ANO2: variants seen among roughly 807,000 people sequenced by gnomAD.
ANO2 encodes anoctamin 2, also known as anoctamin-2.
Under a neutral mutation model 124.2 loss-of-function variants are expected in ANO2, and 101 were observed. The ratio of observed to expected loss-of-function variants is 0.81; its 90% CI spans 0.69 to 0.96. ANO2 has a LOEUF of 0.96. Ranked by LOEUF, ANO2 falls within the 40% of genes least tolerant of loss-of-function variation. The pLI is 0.00. For missense variants in ANO2, 1,293 were observed against 1,274.5 expected (o/e 1.01, Z -0.22); for synonymous variants, 486 against 482.5 (o/e 1.01, Z -0.09).
At chr12:5,716,178 T>C (rs916759581) in intron 14 of ANO2, among the ~76,000 whole-genome samples, 3 of 152,228 alleles carry the variant, frequency 2.0e-5, no homozygotes, top group Middle Eastern at 3.2e-3. Context: ...ATTATTTTTA[T>C]ACTCCAAAAA....
chr12:5,838,379 CACAA>C (rs1196168036), intron 4 of ANO2, among the ~76,000 whole-genome samples: 1 of 152,214 alleles, frequency 6.6e-6, no homozygotes, highest in Non-Finnish European at 1.5e-5. Context: ...CAAGACCCTA[CACAA>C]ACATCCCCAG....
chr12:5,676,324 A>C (rs1303862206), intron 14 of ANO2, among the ~76,000 whole-genome samples: 4 of 152,236 alleles, frequency 2.6e-5, no homozygotes, highest in African/African-American at 9.6e-5. Context: ...CTGGGCAGTC[A>C]CTTGAACAGG....
chr12:5,906,347 T>TAAA (rs751453765), intron 3 of ANO2, among the ~76,000 whole-genome samples: 6 of 132,722 alleles, frequency 4.5e-5, no homozygotes, highest in East Asian at 2.2e-4. Context: ...CACACATTGT[T>TAAA]AAAAAAAAAA....
intron 4 of ANO2, among the ~76,000 whole-genome samples, chr12:5,843,835 T>C (rs1455874826): frequency 6.6e-6 from 1 of 152,132 alleles, no homozygotes; most frequent in Non-Finnish European, 1.5e-5. Flanking sequence ...ATCAACCTGG[T>C]GTTTATTGAG....
chr12:5,930,061 T>G (rs556791718), intron 1 of ANO2, among the ~76,000 whole-genome samples: 4 of 122,454 alleles, frequency 3.3e-5, no homozygotes, highest in Non-Finnish European at 7.2e-5. Context: ...CCTTCCTTAC[T>G]AGTCTACCTT....
At chr12:5,588,026 G>A (rs1943206578) in intron 20 of ANO2, among the ~76,000 whole-genome samples, 1 of 152,250 alleles carries the variant, frequency 6.6e-6, no homozygotes, top group African/African-American at 2.4e-5. Context: ...TGTCTGCATG[G>A]GTGGTCCTGG....
At chr12:5,648,041 C>T (rs421159) in intron 14 of ANO2, among the ~76,000 whole-genome samples, 39,842 of 152,040 alleles carry the variant, frequency 0.26, 5,666 homozygotes, top group African/African-American at 0.35. Flanking sequence ...CAGCCTCACA[C>T]GGGGCTGAAT....
chr12:5,627,855 G>C (rs539077267), intron 16 of ANO2, among the ~76,000 whole-genome samples: 1 of 152,148 alleles, frequency 6.6e-6, no homozygotes, highest in East Asian at 1.9e-4. Flanking sequence ...CATTTGGAGA[G>C]GCTGAGGCAG....
intron 14 of ANO2, among the ~76,000 whole-genome samples, chr12:5,691,936 G>A (rs1282932864): frequency 2.6e-5 from 4 of 152,046 alleles, no homozygotes; most frequent in Non-Finnish European, 5.9e-5. Context: ...CAAGAGTGGT[G>A]AATAAGGTGA....
chr12:5,574,599 T>C (rs1366932315), intron 23 of ANO2, among the ~76,000 whole-genome samples: 2 of 152,176 alleles, frequency 1.3e-5, no homozygotes, highest in African/African-American at 4.8e-5. Context: ...TGTCACCAAC[T>C]CTGCAATATT....
chr12:5,844,235 T>A (rs983260970), intron 4 of ANO2, among the ~76,000 whole-genome samples: 3 of 152,150 alleles, frequency 2.0e-5, no homozygotes, highest in African/African-American at 4.8e-5. Context: ...AGAGTCTAAA[T>A]CAGGGAGCTC....
intron 11 of ANO2, among the ~76,000 whole-genome samples, chr12:5,745,899 C>A (rs1365656186): frequency 6.6e-6 from 1 of 152,198 alleles, no homozygotes; most frequent in Admixed American, 6.5e-5. Flanking sequence ...TCTTCTGGGT[C>A]AGACCTGTGT....
At chr12:5,855,516 G>A (rs1955070760) in intron 3 of ANO2, among the ~76,000 whole-genome samples, 1 of 152,156 alleles carries the variant, frequency 6.6e-6, no homozygotes, top group Non-Finnish European at 1.5e-5. Context: ...GAAAAATGAA[G>A]AATAAACCAC....
At chr12:5,801,872 G>A (rs1273517044) in intron 9 of ANO2, among the ~76,000 whole-genome samples, 5 of 152,222 alleles carry the variant, frequency 3.3e-5, no homozygotes, top group Non-Finnish European at 5.9e-5. Flanking sequence ...TACTGCCTGA[G>A]TTTTTACTCC....
chr12:5,571,128 C>G (rs986071520), intron 23 of ANO2, among the ~76,000 whole-genome samples: 1 of 152,212 alleles, frequency 6.6e-6, no homozygotes, highest in Non-Finnish European at 1.5e-5. Flanking sequence ...GGATGCTCAA[C>G]AAACACCTCC....
At chr12:5,595,830 G>A (rs752347791) in intron 20 of ANO2, among the ~76,000 whole-genome samples, 28 of 152,190 alleles carry the variant, frequency 1.8e-4, no homozygotes, top group Non-Finnish European at 3.5e-4. Context: ...GGTCAACAAC[G>A]TGGAATGGAG....
Position 5,658,664 on chromosome 12 carries a change from C to T in ANO2, c.1546-10863G>A, listed in dbSNP as rs1206965173. On this transcript the variant is annotated intron_variant, in intron 14 of 24. Transcript: ENST00000682330. The surrounding 1 kb of genome is among the most constrained non-coding windows in gnomAD (Gnocchi z 4.3). ...TTGTCATCAATATCATCATCATCAT[C>T]ATCAACATCATTATCATCATTAAAT... is the stretch of plus-strand genomic sequence containing the variant. Among the ~76,000 whole-genome samples, 5 of 150,624 alleles carry T rather than the reference C, an allele frequency of 3.3e-5. No homozygotes were observed. Among genetic ancestry groups the T allele is most frequent in the African/African-American group, 1.3e-4 (5 of 39,924 alleles).
chr12:5,927,670 G>A (rs540790132), intron 1 of ANO2, among the ~76,000 whole-genome samples: 12 of 152,294 alleles, frequency 7.9e-5, no homozygotes, highest in African/African-American at 2.2e-4. Context: ...CCCATGCTAC[G>A]TCCTGATATT....
chr12:5,734,831 GT>G (rs1346423426), intron 13 of ANO2, among the ~76,000 whole-genome samples: 2 of 152,038 alleles, frequency 1.3e-5, no homozygotes, highest in East Asian at 3.9e-4. Flanking sequence ...TGTACTTTTA[GT>G]AGAGATGGGG....
Sources: allele counts gnomAD v4.1 joint callset (sites outside exome capture counted in the v4.1 genomes callset), GRCh38; gene constraint gnomAD v4.1.1; non-coding constraint Gnocchi (gnomAD v3.1); transcripts MANE v1.5; gene names NCBI Gene and HGNC (gene_info 2026-07-23, HGNC 2026-07-21).